Variants in HDAC9 observed in about 807,000 individuals in gnomAD.
HDAC9 encodes the protein MEF-2 interacting transcription repressor (MITR) protein.
HDAC9 carries 41 observed loss-of-function variants against 139.4 expected under a neutral mutation model. The ratio of observed to expected loss-of-function variants is 0.29; its 90% confidence interval spans 0.23 to 0.38. The LOEUF (loss-of-function observed/expected upper bound fraction) is 0.38, where lower values mean the gene tolerates loss of function less well. Among genes scored for constraint, HDAC9 ranks in the 10% least tolerant of loss-of-function variants. The probability of loss-of-function intolerance (pLI) is 1.00; values close to 1 mark genes in which losing one functional copy is unlikely to be tolerated. For missense variants in HDAC9, 1,147 were observed against 1,297.0 expected (o/e 0.88, Z 1.78); for synonymous variants, 517 against 476.2 (o/e 1.09, Z -1.12).
At chr7:18,172,335 T>C (rs1260379582) in intron 2 of HDAC9, among the ~76,000 whole-genome samples, 2 of 152,186 alleles carry the variant, frequency 1.3e-5, no homozygotes, top group Non-Finnish European at 2.9e-5. Context: ...TTGATTCTTC[T>C]CTCTTTCCTT....
intron 2 of HDAC9, among the ~76,000 whole-genome samples, chr7:18,506,844 G>T (rs187772418): frequency 6.6e-6 from 1 of 152,084 alleles, no homozygotes; most frequent in Non-Finnish European, 1.5e-5. Flanking sequence ...TATGAGAAAA[G>T]TAAGTGTAAG....
At chr7:18,783,661 C>CTT (rs11348285) in intron 16 of HDAC9, among the ~76,000 whole-genome samples, 2,985 of 132,324 alleles carry the variant, frequency 0.023, 51 homozygotes, top group African/African-American at 0.048. Flanking sequence ...TCTGCTGAGA[C>CTT]TTTTTTTTTT....
chr7:18,096,113 C>A (rs912233428), intron 1 of HDAC9, among the ~76,000 whole-genome samples: 2 of 152,078 alleles, frequency 1.3e-5, no homozygotes, highest in African/African-American at 4.8e-5. Flanking sequence ...GTGGAGTCAT[C>A]GAATTCTAAA....
chr7:18,775,153 G>A (rs565821149), intron 16 of HDAC9, among the ~76,000 whole-genome samples: 1 of 152,050 alleles, frequency 6.6e-6, no homozygotes, highest in South Asian at 2.1e-4. Context: ...CACGATTCAT[G>A]GTGCCCCAAA....
At chr7:18,104,291 C>T (rs1783056065) in intron 1 of HDAC9, among the ~76,000 whole-genome samples, 1 of 151,422 alleles carries the variant, frequency 6.6e-6, no homozygotes, top group African/African-American at 2.4e-5. Context: ...CTTTTTGTAA[C>T]CATAAGCTTG....
At chr7:18,747,479 G>A (rs550380379) in intron 13 of HDAC9, among the ~76,000 whole-genome samples, 24 of 152,328 alleles carry the variant, frequency 1.6e-4, no homozygotes, top group Admixed American at 1.4e-3. Context: ...TTTCTCGTAT[G>A]AACAATGGCA....
At position 18,089,503 on chromosome 7, in the gene HDAC9, A is replaced by G. The variant is rs535393588; in HGVS notation, c.-97+2290A>G. 3.3e-5 allele frequency among the ~76,000 whole-genome samples: 5 copies of G among 152,130 alleles called. No individual in the cohort carries two copies. In the South Asian group the frequency reaches 1.0e-3, roughly 31 times the overall value. On this transcript the variant is annotated intron_variant, in intron 1 of 12. Transcript: ENST00000417496. The stretch of plus-strand genomic sequence containing the variant: ...ATATAAATAATTATATATTTAAGAT[A>G]TAGATGAATTCTATTTGAGGTTTAG...
At chr7:18,224,579 G>T (rs1050291921) in intron 2 of HDAC9, among the ~76,000 whole-genome samples, 2 of 152,072 alleles carry the variant, frequency 1.3e-5, no homozygotes, top group African/African-American at 2.4e-5. Flanking sequence ...TTCTGGGAAG[G>T]GTTCAGTATT....
rs142449987 is a variant in HDAC9, at chr7:18,907,504, T to A, written c.2804-28305T>A. On this transcript the variant is annotated intron_variant, in intron 22 of 25. Transcript: ENST00000686413. ...ATTCCTAGTTGAGCCTTATTGCTAG[T>A]GTAAGAATTCCCTGCAGATTTTGTG... Among the ~76,000 whole-genome samples, 300 of 152,340 alleles carry A rather than the reference T, an allele frequency of 2.0e-3. 2 individuals are homozygous for A. The highest frequency in any genetic ancestry group is 6.7e-3 in the African/African-American group (278 of 41,576).
intron 22 of HDAC9, among the ~76,000 whole-genome samples, chr7:18,908,640 C>A (rs182393099): frequency 6.6e-6 from 1 of 151,926 alleles, no homozygotes; most frequent in East Asian, 1.9e-4. Context: ...TGAGATTGTG[C>A]GGTATTTATT....
chr7:18,767,111 G>T lies in HDAC9; in HGVS notation c.2170G>T (p.Asp724Tyr). 6.4e-7 allele frequency: 1 copy of T among 1,552,340 alleles called. No individual in the cohort carries two copies. Among genetic ancestry groups the T allele is most frequent in the South Asian group, 1.2e-5 (1 of 84,402 alleles). The change falls in exon 16 of 26, where the codon GAC (aspartate) becomes TAC (tyrosine). Residue 724 changes from aspartate (D) to tyrosine (Y), a missense_variant. Around this residue, in one of 7 missense-constraint regions of HDAC9, gnomAD observed 407 missense variants for 521.5 expected, o/e 0.78. Coordinates refer to ENST00000686413, the MANE Select transcript of HDAC9 (RefSeq NM_178425.4). ...KLDPRILLGDDSQKFFSSLPC... is the reference protein window; with the variant it reads ...KLDPRILLGDYSQKFFSSLPC... ...TATGTCTTCTTACTGTATAGGTGAT[G>T]ACTCTCAAAAGTTTTTTTCCTCATT... is the stretch of plus-strand genomic sequence containing the variant.
chr7:18,956,279 T>A (rs1046785481), intron 24 of HDAC9, among the ~76,000 whole-genome samples: 4 of 152,138 alleles, frequency 2.6e-5, no homozygotes, highest in African/African-American at 7.2e-5. Context: ...GATCCAATAA[T>A]GCCATAATTT....
chr7:18,243,250 G>A (rs866395616), intron 2 of HDAC9, among the ~76,000 whole-genome samples: 1 of 152,340 alleles, frequency 6.6e-6, no homozygotes, highest in Admixed American at 6.5e-5. Flanking sequence ...AATTGTGAAC[G>A]TTTATAGCAC....
At chr7:18,303,740 T>C (rs1159093041) in intron 1 of HDAC9, among the ~76,000 whole-genome samples, 1 of 152,192 alleles carries the variant, frequency 6.6e-6, no homozygotes, top group South Asian at 2.1e-4. Flanking sequence ...TTCTTATGAA[T>C]AGAATGTGAG....
chr7:18,992,063 G>C (rs763542308), intron 25 of HDAC9, among the ~76,000 whole-genome samples: 1 of 152,244 alleles, frequency 6.6e-6, no homozygotes, highest in Non-Finnish European at 1.5e-5. Flanking sequence ...GCTTTGGGAA[G>C]ATAAACTATG....
chr7:18,685,278 C>T (rs1283912435), intron 12 of HDAC9, among the ~76,000 whole-genome samples: 1 of 152,018 alleles, frequency 6.6e-6, no homozygotes, highest in Non-Finnish European at 1.5e-5. Context: ...AACTATATCA[C>T]TCCCTTTTCC....
intron 6 of HDAC9, among the ~76,000 whole-genome samples, chr7:18,604,830 C>T (rs1014725091): frequency 6.6e-6 from 1 of 152,116 alleles, no homozygotes; most frequent in Non-Finnish European, 1.5e-5. Flanking sequence ...CCATTAGAAC[C>T]CTTAACATAC....
intron 12 of HDAC9, among the ~76,000 whole-genome samples, chr7:18,682,306 G>T (rs1781943482): frequency 6.6e-6 from 1 of 151,952 alleles, no homozygotes; most frequent in South Asian, 2.1e-4. Context: ...CTGTGTAATT[G>T]TACTTAAAAC....
At chr7:18,184,197 G>A (rs1303382817) in intron 2 of HDAC9, among the ~76,000 whole-genome samples, 4 of 152,144 alleles carry the variant, frequency 2.6e-5, no homozygotes, top group Non-Finnish European at 4.4e-5. Context: ...TTGGGTGTTC[G>A]AGACCCGCCT....
Sources: allele counts gnomAD v4.1 joint callset (sites outside exome capture counted in the v4.1 genomes callset), GRCh38; gene constraint gnomAD v4.1.1; regional missense constraint gnomAD v4.1.1; transcripts MANE v1.5; gene names NCBI Gene and HGNC (gene_info 2026-07-23, HGNC 2026-07-21).